Variants in CDH13 observed in about 807,000 individuals in gnomAD.
CDH13 encodes the protein cadherin 13, also known as cadherin-13.
CDH13 carries 24 observed loss-of-function variants against 63.8 expected under a neutral mutation model. The ratio of observed to expected loss-of-function variants is 0.38; its 90% CI spans 0.27 to 0.53. The LOEUF is 0.53. Among genes scored for constraint, CDH13 ranks in the 20% least tolerant of loss-of-function variants. The pLI is 0.85. For synonymous variants in CDH13, 503 were observed against 355.3 expected, an observed-to-expected ratio of 1.42 and a Z score of -4.67; for missense variants, 1,049 against 903.1, an observed-to-expected ratio of 1.16 and a Z score of -2.07.
chr16:82,633,795 C>G (rs886103948), intron 1 of CDH13, among the ~76,000 whole-genome samples: 11 of 152,176 alleles, frequency 7.2e-5, no homozygotes, highest in African/African-American at 2.7e-4. Context: ...AGTGTTAATG[C>G]TACAATTAAT....
chr16:82,719,475 C>A (rs1371050301), intron 1 of CDH13: 1 of 455,436 alleles, frequency 2.2e-6, no homozygotes, highest in African/African-American at 2.0e-5. Flanking sequence ...ATGCCAACTT[C>A]GTAAGTTACA....
chr16:82,937,094 GA>G (rs1239931216), intron 2 of CDH13, among the ~76,000 whole-genome samples: 1 of 152,112 alleles, frequency 6.6e-6, no homozygotes, highest in Non-Finnish European at 1.5e-5. Context: ...TCTGTTTTAA[GA>G]AAATAGAAAT....
intron 4 of CDH13, among the ~76,000 whole-genome samples, chr16:83,167,809 C>T (rs1161995985): frequency 6.6e-6 from 1 of 151,564 alleles, no homozygotes; most frequent in Non-Finnish European, 1.5e-5. Context: ...AGGTGCCCAG[C>T]AGTGGTGGAC....
chr16:83,560,142 A>T (rs11640009), intron 7 of CDH13, among the ~76,000 whole-genome samples: 1 of 152,162 alleles, frequency 6.6e-6, no homozygotes, highest in Admixed American at 6.5e-5. Context: ...TAGTCCCTGG[A>T]CAAGAGCAGA....
intron 5 of CDH13, among the ~76,000 whole-genome samples, chr16:83,294,914 G>C (rs1262852141): frequency 1.3e-5 from 2 of 151,920 alleles, no homozygotes; most frequent in African/African-American, 4.8e-5. Flanking sequence ...AAAGACCATG[G>C]ATAGCCAAAG....
chr16:82,670,540 G>A (rs1020277700), intron 1 of CDH13, among the ~76,000 whole-genome samples: 4 of 152,206 alleles, frequency 2.6e-5, no homozygotes, highest in African/African-American at 4.8e-5. Flanking sequence ...TGCTTTACCT[G>A]AAGGCAGCGG....
chr16:82,806,719 G>C (rs1426988841), intron 1 of CDH13, among the ~76,000 whole-genome samples: 2 of 152,102 alleles, frequency 1.3e-5, no homozygotes, highest in East Asian at 3.8e-4. Flanking sequence ...GGGAGAGCTG[G>C]AGAGTTCACA....
chr16:83,168,131 A>G (rs2037764014), intron 4 of CDH13, among the ~76,000 whole-genome samples: 1 of 151,964 alleles, frequency 6.6e-6, no homozygotes, highest in African/African-American at 2.4e-5. Flanking sequence ...TGATACTCAA[A>G]CCTCAGCGCC....
At chr16:82,909,787 A>T (rs2041770127) in intron 2 of CDH13, among the ~76,000 whole-genome samples, 1 of 152,126 alleles carries the variant, frequency 6.6e-6, no homozygotes, top group Admixed American at 6.5e-5. Context: ...TCAAGATGAG[A>T]TCTGGGTGGG....
At chr16:83,008,917 G>A (rs545725122) in intron 2 of CDH13, among the ~76,000 whole-genome samples, 41 of 152,274 alleles carry the variant, frequency 2.7e-4, no homozygotes, top group African/African-American at 9.4e-4. Context: ...TGGTGGAAGG[G>A]GAAGCAAACA....
At chr16:83,125,987 A>G (rs912354217) in intron 4 of CDH13, among the ~76,000 whole-genome samples, 1 of 152,220 alleles carries the variant, frequency 6.6e-6, no homozygotes, top group African/African-American at 2.4e-5. Context: ...ACACTGTCCC[A>G]TGAATCAGAA....
chr16:83,581,227 A>G (rs1905568957), intron 7 of CDH13, among the ~76,000 whole-genome samples: 1 of 152,218 alleles, frequency 6.6e-6, no homozygotes. Flanking sequence ...GCCCTTCCGA[A>G]GCTGACAGTT....
chr16:83,118,793 A>G (rs1160821955), intron 3 of CDH13, among the ~76,000 whole-genome samples: 1 of 151,972 alleles, frequency 6.6e-6, no homozygotes, highest in East Asian at 1.9e-4. Flanking sequence ...CGAGGGGAGC[A>G]GTATTGGGCC....
At chr16:82,737,129 C>T (rs910372265) in intron 1 of CDH13, among the ~76,000 whole-genome samples, 2 of 152,198 alleles carry the variant, frequency 1.3e-5, no homozygotes, top group African/African-American at 2.4e-5. Context: ...AAGCCTTGAA[C>T]CCTCTAGAAC....
intron 6 of CDH13, among the ~76,000 whole-genome samples, chr16:83,361,100 T>C (rs946969106): frequency 6.6e-6 from 1 of 152,226 alleles, no homozygotes. Flanking sequence ...TCAGCATCTG[T>C]TGCTTTTTGA....
intron 7 of CDH13, among the ~76,000 whole-genome samples, chr16:83,528,643 A>G (rs568382880): frequency 9.8e-5 from 15 of 152,298 alleles, no homozygotes; most frequent in African/African-American, 2.6e-4. Flanking sequence ...GTTTCCATCT[A>G]TCTCTAAATT....
At chr16:82,895,615 C>G (rs757923553) in intron 2 of CDH13, among the ~76,000 whole-genome samples, 2 of 151,722 alleles carry the variant, frequency 1.3e-5, no homozygotes, top group Non-Finnish European at 2.9e-5. Flanking sequence ...CATTCACCAT[C>G]ATAGAAACTT....
chr16:82,780,925 C>G (rs575566521), intron 1 of CDH13, among the ~76,000 whole-genome samples: 1 of 152,326 alleles, frequency 6.6e-6, no homozygotes, highest in East Asian at 1.9e-4. Flanking sequence ...TTCTTGTTTT[C>G]TGACTGGACT....
chr16:83,107,612 G>A lies in CDH13; in HGVS notation c.367-17773G>A, dbSNP rs555894161. On this transcript the variant is annotated intron_variant, in intron 3 of 13. Coordinates refer to ENST00000567109, the MANE Select transcript of CDH13 (RefSeq NM_001257.5). Reference sequence around the variant, plus strand: ...TTTACACACTAGAGTCCTCTTCAGTGCAATGAGCATTCACAGTATGAGAGG... The same window carrying A: ...TTTACACACTAGAGTCCTCTTCAGTACAATGAGCATTCACAGTATGAGAGG... 3.6e-4 allele frequency among the ~76,000 whole-genome samples: 55 copies of A among 152,194 alleles called. 1 individual carries two copies. Among genetic ancestry groups the A allele is most frequent in the African/African-American group, 1.3e-3 (52 of 41,516 alleles).
Sources: allele counts gnomAD v4.1 joint callset (sites outside exome capture counted in the v4.1 genomes callset), GRCh38; gene constraint gnomAD v4.1.1; transcripts MANE v1.5; gene names NCBI Gene and HGNC (gene_info 2026-07-23, HGNC 2026-07-21).